Variants in LUZP2 observed in about 807,000 individuals in gnomAD.
LUZP2 encodes the protein leucine zipper protein 2.
LUZP2 carries 52 observed loss-of-function variants against 51.6 expected under a neutral mutation model. That is an observed-to-expected ratio of 1.01 (90% CI 0.81 to 1.27). The LOEUF is 1.27. Among genes scored for constraint, LUZP2 ranks in the 50% most tolerant of loss-of-function variants. LUZP2 has a pLI of 0.00. For missense variants in LUZP2, 436 were observed against 395.4 expected, an observed-to-expected ratio of 1.10 and a Z score of -0.87; for synonymous variants, 154 against 137.3, an observed-to-expected ratio of 1.12 and a Z score of -0.85.
intron 1 of LUZP2, among the ~76,000 whole-genome samples, chr11:24,527,682 C>T (rs1324284702): frequency 6.6e-6 from 1 of 151,186 alleles, no homozygotes; most frequent in Non-Finnish European, 1.5e-5. Context: ...CTCCCACACA[C>T]AAACCCCACT....
chr11:25,066,210 A>G (rs184207512), intron 10 of LUZP2, among the ~76,000 whole-genome samples: 5 of 151,932 alleles, frequency 3.3e-5, no homozygotes, highest in African/African-American at 9.6e-5. Context: ...TTAGTTATGC[A>G]TTACCAAAAG....
intron 1 of LUZP2, among the ~76,000 whole-genome samples, chr11:24,547,856 A>G (rs1280538708): frequency 2.0e-5 from 3 of 151,966 alleles, no homozygotes; most frequent in Non-Finnish European, 4.4e-5. Flanking sequence ...AGTAACTTAA[A>G]TCAATAAGCC....
chr11:24,910,882 A>G (rs2133795764), intron 6 of LUZP2, among the ~76,000 whole-genome samples: 1 of 152,162 alleles, frequency 6.6e-6, no homozygotes, highest in Non-Finnish European at 1.5e-5. Context: ...GCACCTGGAA[A>G]AGGCATGGGC....
intron 1 of LUZP2, among the ~76,000 whole-genome samples, chr11:24,636,017 T>C (rs961892667): frequency 4.6e-5 from 7 of 152,158 alleles, no homozygotes; most frequent in African/African-American, 1.7e-4. Flanking sequence ...CAATCTACTC[T>C]GGAACTTCTG....
At chr11:24,885,204 T>C (rs1414125058) in intron 5 of LUZP2, among the ~76,000 whole-genome samples, 4 of 152,116 alleles carry the variant, frequency 2.6e-5, no homozygotes, top group African/African-American at 9.7e-5. Flanking sequence ...TAAATTGTGA[T>C]GTCAAAGCCC....
At chr11:24,507,011 C>A (rs865811781) in intron 1 of LUZP2, among the ~76,000 whole-genome samples, 47 of 152,150 alleles carry the variant, frequency 3.1e-4, no homozygotes, top group African/African-American at 9.4e-4. Flanking sequence ...TAAAAATATT[C>A]TTAAAATAAA....
At chr11:24,775,461 A>G (rs937280751) in intron 5 of LUZP2, among the ~76,000 whole-genome samples, 1 of 152,214 alleles carries the variant, frequency 6.6e-6, no homozygotes, top group Non-Finnish European at 1.5e-5. Context: ...CATAATATAA[A>G]GAAACATAAA....
chr11:24,729,426 C>T, intron 2 of LUZP2, 140 bp downstream of exon 2: 1 of 466,738 alleles, frequency 2.1e-6, no homozygotes, highest in East Asian at 3.2e-5. Flanking sequence ...ATTATATGTG[C>T]CCTAAACGGA....
chr11:24,848,140 TTGATATGATA>T (rs11269785), intron 5 of LUZP2, among the ~76,000 whole-genome samples: 6 of 151,406 alleles, frequency 4.0e-5, no homozygotes, highest in African/African-American at 9.7e-5. Flanking sequence ...TAATATATGA[TTGATATGATA>T]TGATATGATA....
chr11:24,622,031 C>T (rs999127923), intron 1 of LUZP2, among the ~76,000 whole-genome samples: 2 of 151,970 alleles, frequency 1.3e-5, no homozygotes, highest in Non-Finnish European at 2.9e-5. Context: ...GCCTCTGCTT[C>T]CTGGGCTCAA....
intron 1 of LUZP2, among the ~76,000 whole-genome samples, chr11:24,588,048 C>A (rs1177769613): frequency 2.0e-5 from 3 of 151,904 alleles, no homozygotes; most frequent in African/African-American, 4.8e-5. Context: ...ATAGAAGATA[C>A]CTTTTTATTT....
intron 1 of LUZP2, among the ~76,000 whole-genome samples, chr11:24,719,734 A>G (rs538828252): frequency 1.3e-5 from 2 of 152,332 alleles, no homozygotes; most frequent in South Asian, 2.1e-4. Flanking sequence ...CTTGCTTTGT[A>G]ACTGATACTG....
intron 4 of LUZP2, among the ~76,000 whole-genome samples, chr11:24,745,632 A>G (rs563634994): frequency 6.6e-6 from 1 of 152,134 alleles, no homozygotes; most frequent in Admixed American, 6.6e-5. Flanking sequence ...AAGGCAGCAG[A>G]TGGTCAATTG....
intron 9 of LUZP2, among the ~76,000 whole-genome samples, chr11:25,016,578 A>G (rs1857164212): frequency 6.6e-6 from 1 of 151,948 alleles, no homozygotes; most frequent in African/African-American, 2.4e-5. Flanking sequence ...GTGTACCTAT[A>G]TATGGTGCAG....
Position 24,731,378 on chromosome 11 carries a change from C to A in LUZP2, c.181-740C>A, listed in dbSNP as rs536558319. ...TTGCCTCTTAGTTTTGACTTTAATG[C>A]CAAGAATGACCGGTTACCCTATTAA... On this transcript the variant is annotated intron_variant, in intron 2 of 11. Coordinates refer to ENST00000336930, the MANE Select transcript of LUZP2 (RefSeq NM_001009909.4). 5.8e-3 allele frequency among the ~76,000 whole-genome samples: 882 copies of A among 151,430 alleles called. 9 individuals are homozygous for A. Among genetic ancestry groups the A allele is most frequent in the African/African-American group, 0.018 (764 of 41,352 alleles).
intron 1 of LUZP2, among the ~76,000 whole-genome samples, chr11:24,691,239 G>T (rs1485966151): frequency 2.0e-5 from 3 of 151,892 alleles, no homozygotes; most frequent in Non-Finnish European, 4.4e-5. Flanking sequence ...AGTCAAAATT[G>T]TAGAGAAGTT....
intron 1 of LUZP2, among the ~76,000 whole-genome samples, chr11:24,587,277 T>C (rs1406345485): frequency 6.6e-6 from 1 of 152,032 alleles, no homozygotes; most frequent in Admixed American, 6.6e-5. Context: ...AGAGATTCAG[T>C]GGGAGGTATT....
At chr11:24,755,470 C>A (rs1485578998) in intron 4 of LUZP2, among the ~76,000 whole-genome samples, 2 of 152,164 alleles carry the variant, frequency 1.3e-5, no homozygotes, top group African/African-American at 2.4e-5. Context: ...CCTGACTCAG[C>A]ACTCTATTTA....
At chr11:24,932,873 CT>C (rs1854495925) in intron 7 of LUZP2, among the ~76,000 whole-genome samples, 1 of 152,316 alleles carries the variant, frequency 6.6e-6, no homozygotes, top group Admixed American at 6.5e-5. Flanking sequence ...CAAAGTACAG[CT>C]GGACGTTTCC....
Sources: allele counts gnomAD v4.1 joint callset (sites outside exome capture counted in the v4.1 genomes callset), GRCh38; gene constraint gnomAD v4.1.1; transcripts MANE v1.5; gene names NCBI Gene and HGNC (gene_info 2026-07-23, HGNC 2026-07-21).